Variants in PPP1R9A observed in about 807,000 individuals in gnomAD.
PPP1R9A encodes protein phosphatase 1 regulatory subunit 9A, also known as neurabin-1.
Under a neutral mutation model 141.9 loss-of-function variants are expected in PPP1R9A, and 59 were observed. That is an observed-to-expected ratio of 0.42 (90% CI 0.34 to 0.52). PPP1R9A has a LOEUF of 0.52. PPP1R9A is among the 20% of genes least tolerant of loss of function. The pLI, the probability that PPP1R9A is intolerant of heterozygous loss-of-function variation, is 0.10. For missense variants in PPP1R9A, 1,444 were observed against 1,611.9 expected (o/e 0.90, Z 1.78); for synonymous variants, 500 against 569.7 (o/e 0.88, Z 1.74).
chr7:95,173,958 T>C (rs1832537003), intron 5 of PPP1R9A, among the ~76,000 whole-genome samples: 1 of 152,054 alleles, frequency 6.6e-6, no homozygotes, highest in Non-Finnish European at 1.5e-5. Context: ...AACAGTCTGG[T>C]AGGGTTTTCC....
chr7:95,105,471 AT>A (rs1819381931), intron 2 of PPP1R9A, among the ~76,000 whole-genome samples: 1 of 152,204 alleles, frequency 6.6e-6, no homozygotes, highest in Non-Finnish European at 1.5e-5. Flanking sequence ...AATATCACTT[AT>A]TGGCTCTGAA....
At chr7:95,170,678 T>C (rs1191860978) in intron 5 of PPP1R9A, among the ~76,000 whole-genome samples, 2 of 151,516 alleles carry the variant, frequency 1.3e-5, no homozygotes, top group Non-Finnish European at 3.0e-5. Context: ...ATACAGAAGC[T>C]AAAAGAATTC....
chr7:95,282,246 T>A (rs946284374), intron 16 of PPP1R9A, among the ~76,000 whole-genome samples: 7 of 150,228 alleles, frequency 4.7e-5, no homozygotes, highest in African/African-American at 1.7e-4. Context: ...GTGTGAAGAT[T>A]GCTTGAGCCC....
chr7:95,017,860 A>G (rs894906554), intron 2 of PPP1R9A, among the ~76,000 whole-genome samples: 4 of 152,194 alleles, frequency 2.6e-5, no homozygotes, highest in East Asian at 1.9e-4. Context: ...ACATTTCTAC[A>G]CATCTTTTGA....
intron 14 of PPP1R9A, among the ~76,000 whole-genome samples, chr7:95,270,498 T>A (rs1045184651): frequency 2.6e-5 from 4 of 152,106 alleles, no homozygotes; most frequent in Non-Finnish European, 5.9e-5. Context: ...GAAATTAGGA[T>A]GGAGAAGTCC....
rs1050198494 is a variant in PPP1R9A at position 95,190,669 on chromosome 7, C to T, written c.1755-7680C>T. Among the ~76,000 whole-genome samples, 6 of 152,288 alleles carry T rather than the reference C, an allele frequency of 3.9e-5. No individual in the cohort carries two copies. The East Asian group carries it at 7.7e-4, about 20-fold the overall frequency. ...TGGTCGGCCTCCATCCAGGAGGTGG[C>T]GCTTTCAAGAGAGCCCCAGAGTTTT... On this transcript the variant is annotated intron_variant, in intron 5 of 19. Coordinates refer to ENST00000433360, the MANE Select transcript of PPP1R9A (RefSeq NM_001166160.2).
In PPP1R9A at chr7:95,022,522, A is replaced by G. The variant is rs146380608; in HGVS notation, c.1396-88737A>G. 2.1e-3 allele frequency among the ~76,000 whole-genome samples: 325 copies of G among 152,266 alleles called. 1 individual carries two copies. The highest frequency in any genetic ancestry group is 7.2e-3 in the African/African-American group (298 of 41,554). ...CAGAACTTCCAATACTATATTGAAT[A>G]GTAGTGGTAAGAGAGGGCATCTTTG... On this transcript the variant is annotated intron_variant, in intron 2 of 19. Coordinates refer to ENST00000433360, the MANE Select transcript of PPP1R9A (RefSeq NM_001166160.2).
chr7:95,228,957 G>C (rs1023816655), intron 8 of PPP1R9A, among the ~76,000 whole-genome samples: 4 of 152,096 alleles, frequency 2.6e-5, no homozygotes, highest in African/African-American at 4.8e-5. Flanking sequence ...CTGCCACATG[G>C]CCAGTCATGC....
At chr7:95,132,678 G>C (rs62467340) in intron 4 of PPP1R9A, among the ~76,000 whole-genome samples, 1 of 151,986 alleles carries the variant, frequency 6.6e-6, no homozygotes, top group East Asian at 1.9e-4. Flanking sequence ...GGCTCACTGG[G>C]TTCACGCTGC....
chr7:95,153,128 G>T (rs996615311), intron 4 of PPP1R9A, among the ~76,000 whole-genome samples: 1 of 152,014 alleles, frequency 6.6e-6, no homozygotes, highest in Non-Finnish European at 1.5e-5. Context: ...GGGATTACAC[G>T]CATGAGCCAC....
intron 4 of PPP1R9A, among the ~76,000 whole-genome samples, chr7:95,151,186 A>T (rs1338099890): frequency 1.3e-5 from 2 of 152,218 alleles, no homozygotes; most frequent in Non-Finnish European, 2.9e-5. Context: ...ATAGATGTTT[A>T]TAGCAGTTTT....
intron 5 of PPP1R9A, among the ~76,000 whole-genome samples, chr7:95,177,605 T>C (rs1585093702): frequency 1.3e-5 from 2 of 152,056 alleles, no homozygotes; most frequent in East Asian, 3.9e-4. Flanking sequence ...TGGGTAAGAA[T>C]TCACCAACCA....
intron 5 of PPP1R9A, among the ~76,000 whole-genome samples, chr7:95,174,093 C>G (rs1832560192): frequency 6.6e-6 from 1 of 152,018 alleles, no homozygotes. Flanking sequence ...TTCATAATAA[C>G]TAAAAACTGG....
intron 5 of PPP1R9A, among the ~76,000 whole-genome samples, chr7:95,184,582 C>G (rs985645148): frequency 4.0e-4 from 61 of 152,304 alleles, no homozygotes; most frequent in Admixed American, 3.1e-3. Flanking sequence ...GCAGTGTACA[C>G]TGTTCCCAAT....
chr7:95,091,497 C>T (rs1008385561), intron 2 of PPP1R9A, among the ~76,000 whole-genome samples: 12 of 151,682 alleles, frequency 7.9e-5, no homozygotes, highest in Admixed American at 7.9e-4. Flanking sequence ...GCACATGACA[C>T]CACGCCCAGC....
intron 2 of PPP1R9A, among the ~76,000 whole-genome samples, chr7:94,919,141 C>T (rs1050864203): frequency 1.4e-4 from 22 of 151,970 alleles, no homozygotes; most frequent in African/African-American, 5.3e-4. Context: ...TTCTTTATTT[C>T]CTTTTAGAGA....
intron 2 of PPP1R9A, among the ~76,000 whole-genome samples, chr7:94,945,633 T>TA (rs1466546605): frequency 6.6e-6 from 1 of 152,056 alleles, no homozygotes; most frequent in Non-Finnish European, 1.5e-5. Flanking sequence ...TGAAATAGGC[T>TA]AAATATTTAT....
At chr7:95,022,317 A>G (rs988709199) in intron 2 of PPP1R9A, among the ~76,000 whole-genome samples, 2 of 152,040 alleles carry the variant, frequency 1.3e-5, no homozygotes, top group African/African-American at 4.8e-5. Flanking sequence ...TTGCAACTTG[A>G]TTTTTTTATC....
Position 95,124,444 on chromosome 7 carries a change from G to A in PPP1R9A, c.1649+3612G>A, listed in dbSNP as rs557793912. The stretch of plus-strand genomic sequence containing the variant: ...ACCTAAAATTAATATATACAAAAGT[G>A]TTGAATGGCTCTAGTGTATGGGTTT... On this transcript the variant is annotated intron_variant, in intron 4 of 19. Transcript: ENST00000433360. Among the ~76,000 whole-genome samples, 8 of 152,126 alleles carry A rather than the reference G, an allele frequency of 5.3e-5. No homozygotes were observed. The East Asian group carries it at 1.4e-3, about 26-fold the overall frequency.
Sources: gnomAD v4.1 joint callset for allele counts (sites outside exome capture counted in the v4.1 genomes callset) on GRCh38, gnomAD v4.1.1 for gene constraint, MANE v1.5 for transcripts, NCBI Gene and HGNC (gene_info 2026-07-23, HGNC 2026-07-21) for gene names.